The following PLCL2 variants were observed in gnomAD, a reference collection of about 807,000 sequenced individuals.
PLCL2 encodes the protein inactive phospholipase C-like protein 2.
A neutral mutation model predicts 79.6 loss-of-function variants in PLCL2; 4 were observed. That is an observed-to-expected ratio of 0.05 (90% CI 0.02 to 0.11). The LOEUF (loss-of-function observed/expected upper bound fraction) is 0.11. PLCL2 is among the 10% of genes least tolerant of loss of function. PLCL2 has a pLI of 1.00. For missense variants in PLCL2, 895 were observed against 1,291.0 expected (o/e 0.69, Z 4.70); for synonymous variants, 484 against 457.7 (o/e 1.06, Z -0.73).
intron 1 of PLCL2, among the ~76,000 whole-genome samples, chr3:16,892,201 A>G (rs1696367406): frequency 6.6e-6 from 1 of 152,238 alleles, no homozygotes; most frequent in Non-Finnish European, 1.5e-5. Context: ...GTGTGCTTCA[A>G]AGAAGAAATT....
chr3:17,080,257 A>G (rs2065148902), intron 5 of PLCL2, among the ~76,000 whole-genome samples: 1 of 152,100 alleles, frequency 6.6e-6, no homozygotes, highest in African/African-American at 2.4e-5. Context: ...ATGATTAGGG[A>G]GTCTTTTTTC....
intron 4 of PLCL2, among the ~76,000 whole-genome samples, chr3:17,051,454 T>TAAAAATAAAATTTAAAAA (rs2064837833): frequency 6.6e-6 from 1 of 151,762 alleles, no homozygotes; most frequent in South Asian, 2.1e-4. Context: ...AAATTTAAAA[T>TAAAAATAAAATTTAAAAA]AAAAATAAAA....
intron 1 of PLCL2, among the ~76,000 whole-genome samples, chr3:17,000,384 A>G (rs1015821350): frequency 7.2e-5 from 11 of 151,890 alleles, no homozygotes; most frequent in African/African-American, 2.2e-4. Context: ...CATACAATGT[A>G]AAATGATCAA....
In PLCL2 at chr3:17,010,306, C is replaced by T; in HGVS notation, c.960C>T (p.Asp320=). 6.2e-7 allele frequency: 1 copy of T among 1,614,014 alleles called. No homozygotes were observed. Among genetic ancestry groups the T allele is most frequent in the Non-Finnish European group, 8.5e-7 (1 of 1,179,982 alleles). ...LKFKELHKSK[D]KAGTEVTKEE... Reference sequence around the variant, plus strand: ...TCAAAGAATTGCATAAATCAAAGGACAAAGCTGGTACCGAGGTCACAAAGG... The same window carrying T: ...TCAAAGAATTGCATAAATCAAAGGATAAAGCTGGTACCGAGGTCACAAAGG... The change falls in exon 2 of 6, where the codon GAC becomes GAT. Residue 320 remains aspartate (D), a synonymous_variant. Transcript: ENST00000615277. The surrounding 1 kb of genome is among the most constrained non-coding windows in gnomAD (Gnocchi z 5.8).
chr3:17,060,650 T>G (rs913395928), intron 4 of PLCL2, among the ~76,000 whole-genome samples: 11 of 152,192 alleles, frequency 7.2e-5, no homozygotes, highest in Non-Finnish European at 8.8e-5. Flanking sequence ...TATAAAATTA[T>G]CAGCTATCCA....
intron 3 of PLCL2, among the ~76,000 whole-genome samples, chr3:17,040,623 A>G (rs1190200069): frequency 6.6e-6 from 1 of 152,124 alleles, no homozygotes; most frequent in African/African-American, 2.4e-5. Context: ...CGCTCCTCAC[A>G]CATCCTTTCA....
intron 3 of PLCL2, among the ~76,000 whole-genome samples, chr3:17,020,132 A>T (rs1419626894): frequency 6.6e-6 from 1 of 152,190 alleles, no homozygotes; most frequent in Non-Finnish European, 1.5e-5. Context: ...TTAGATGCAG[A>T]TTTACCACCT....
chr3:17,066,845 T>A (rs545470173), intron 4 of PLCL2, among the ~76,000 whole-genome samples: 63 of 152,290 alleles, frequency 4.1e-4, no homozygotes, highest in African/African-American at 1.5e-3. Flanking sequence ...ATTAATAATA[T>A]GTACACATTT....
intron 1 of PLCL2, among the ~76,000 whole-genome samples, chr3:16,904,065 T>G (rs1027869900): frequency 1.3e-5 from 2 of 152,210 alleles, no homozygotes; most frequent in Admixed American, 1.3e-4. Flanking sequence ...GTAAGAAAAC[T>G]TTAGTCCTGT....
At chr3:17,026,208 C>A (rs2064515752) in intron 3 of PLCL2, among the ~76,000 whole-genome samples, 4 of 152,112 alleles carry the variant, frequency 2.6e-5, no homozygotes, top group Admixed American at 1.3e-4. Flanking sequence ...TTAATTAGGG[C>A]ATTTAAAATT....
rs1209854636 is a variant in PLCL2, at chr3:17,060,291, T to C, written c.3095-7665T>C. On this transcript the variant is annotated intron_variant, in intron 4 of 5. Transcript: ENST00000615277. The stretch of plus-strand genomic sequence containing the variant: ...AATTGTACTGCTGTGGATTTGGCAT[T>C]GCAAGGATCTTGTCATCCATCTGGG... 5.3e-5 allele frequency among the ~76,000 whole-genome samples: 8 copies of C among 152,220 alleles called. No homozygotes were observed. In the East Asian group the frequency reaches 1.2e-3, roughly 22 times the overall value.
intron 1 of PLCL2, among the ~76,000 whole-genome samples, chr3:16,964,869 T>G (rs1244069673): frequency 9.2e-5 from 14 of 152,138 alleles, no homozygotes; most frequent in Non-Finnish European, 1.0e-4. Flanking sequence ...ATAGGGTTGT[T>G]TGTTTTTTTC....
At chr3:16,894,131 T>G (rs1428652133) in intron 1 of PLCL2, among the ~76,000 whole-genome samples, 1 of 152,190 alleles carries the variant, frequency 6.6e-6, no homozygotes, top group African/African-American at 2.4e-5. Flanking sequence ...TATTTTTTAT[T>G]CTAAACTCTG....
chr3:17,018,994 T>C (rs2064415653), intron 3 of PLCL2, among the ~76,000 whole-genome samples: 1 of 152,310 alleles, frequency 6.6e-6, no homozygotes, highest in Non-Finnish European at 1.5e-5. Flanking sequence ...TGTTTATAGA[T>C]AACTGATAAG....
At chr3:16,976,210 G>A (rs1181042846) in intron 1 of PLCL2, among the ~76,000 whole-genome samples, 1 of 152,114 alleles carries the variant, frequency 6.6e-6, no homozygotes, top group Admixed American at 6.5e-5. Flanking sequence ...GTGTATATAT[G>A]TGTGTGTGTC....
At chr3:17,070,797 G>A (rs780094221) in intron 5 of PLCL2, among the ~76,000 whole-genome samples, 40 of 152,230 alleles carry the variant, frequency 2.6e-4, no homozygotes, top group Non-Finnish European at 5.0e-4. Flanking sequence ...CAGGCAGATG[G>A]CCAGCAGTAA....
chr3:16,998,473 G>C (rs1164476708), intron 1 of PLCL2, among the ~76,000 whole-genome samples: 1 of 152,096 alleles, frequency 6.6e-6, no homozygotes, highest in East Asian at 1.9e-4. Flanking sequence ...GAGAAACACA[G>C]TTTTCACACC....
intron 3 of PLCL2, among the ~76,000 whole-genome samples, chr3:17,037,756 T>C (rs2064673070): frequency 6.6e-6 from 1 of 152,202 alleles, no homozygotes; most frequent in Non-Finnish European, 1.5e-5. Context: ...AAAATCTGTG[T>C]TCTTAAGATG....
At chr3:17,036,357 A>C (rs2064655665) in intron 3 of PLCL2, among the ~76,000 whole-genome samples, 2 of 152,202 alleles carry the variant, frequency 1.3e-5, no homozygotes. Context: ...ATAACTTTAT[A>C]AATGGTGCCT....
Sources: allele counts gnomAD v4.1 joint callset (sites outside exome capture counted in the v4.1 genomes callset), GRCh38; gene constraint gnomAD v4.1.1; non-coding constraint Gnocchi (gnomAD v3.1); transcripts MANE v1.5; gene names NCBI Gene and HGNC (gene_info 2026-07-23, HGNC 2026-07-21).